SMCHD1: variants seen among roughly 807,000 people sequenced by gnomAD.
SMCHD1 encodes the protein structural maintenance of chromosomes flexible hinge domain-containing protein 1.
A neutral mutation model predicts 254.7 loss-of-function variants in SMCHD1; 78 were observed. The observed-to-expected ratio is 0.31, with a 90% CI of 0.26 to 0.37. The LOEUF is 0.37. Ranked by LOEUF, SMCHD1 falls within the 10% of genes least tolerant of loss-of-function variation. The pLI, the probability that SMCHD1 is intolerant of heterozygous loss-of-function variation, is 1.00. For missense variants in SMCHD1, 1,840 were observed against 2,408.1 expected (o/e 0.76, Z 4.94); for synonymous variants, 766 against 794.9 (o/e 0.96, Z 0.61).
intron 20 of SMCHD1, among the ~76,000 whole-genome samples, chr18:2,724,494 A>C (rs1248565028): frequency 6.6e-6 from 1 of 152,088 alleles, no homozygotes; most frequent in Non-Finnish European, 1.5e-5. Flanking sequence ...CTAAAATCCC[A>C]CTGGTGAAAG....
rs551120042 is a variant in SMCHD1 at position 2,673,559 on chromosome 18, T to C, written c.507+196T>C. ...TACATGTATATGTACCTTTGGTTTT[T>C]TGTAATCTTCTACTTTCCCTTAACA... On this transcript the variant is annotated intron_variant, in intron 4 of 47. Transcript: ENST00000320876. Among the ~76,000 whole-genome samples the C allele has an allele frequency of 1.9e-3, 283 of 152,100 alleles. 2 individuals carry two copies. The highest frequency in any genetic ancestry group is 6.6e-3 in the African/African-American group (275 of 41,382).
chr18:2,706,585 T>C (rs1028530792), intron 15 of SMCHD1, 115 bp downstream of exon 15: 5 of 599,254 alleles, frequency 8.3e-6, no homozygotes, highest in Non-Finnish European at 1.4e-5. Context: ...GTCTTAGATA[T>C]TGTACCTATT....
At chr18:2,754,492 A>G (rs1271696239) in intron 34 of SMCHD1, among the ~76,000 whole-genome samples, 1 of 152,212 alleles carries the variant, frequency 6.6e-6, no homozygotes, top group Non-Finnish European at 1.5e-5. Flanking sequence ...TAATTCCCCA[A>G]CAATAAATTG....
intron 45 of SMCHD1, among the ~76,000 whole-genome samples, chr18:2,790,079 G>A (rs1291331681): frequency 1.3e-5 from 2 of 152,196 alleles, no homozygotes; most frequent in African/African-American, 2.4e-5. Context: ...CTATTCAGGA[G>A]GCTGAGGCCG....
intron 17 of SMCHD1, among the ~76,000 whole-genome samples, chr18:2,713,898 C>T (rs2074737497): frequency 6.6e-6 from 1 of 152,126 alleles, no homozygotes; most frequent in Non-Finnish European, 1.5e-5. Context: ...TAATGTATGG[C>T]CTTTCTTCAA....
chr18:2,740,366 A>G (rs2075326069), intron 27 of SMCHD1, among the ~76,000 whole-genome samples: 1 of 152,176 alleles, frequency 6.6e-6, no homozygotes, highest in Non-Finnish European at 1.5e-5. Context: ...ATTCTTTTTT[A>G]AACATAAAAG....
chr18:2,693,173 A>T (rs1009422079), intron 7 of SMCHD1, among the ~76,000 whole-genome samples: 1 of 152,200 alleles, frequency 6.6e-6, no homozygotes, highest in Non-Finnish European at 1.5e-5. Flanking sequence ...ACTTATTTTT[A>T]AAAATCAACT....
chr18:2,665,603 G>C (rs2073414567), intron 1 of SMCHD1, among the ~76,000 whole-genome samples: 1 of 152,146 alleles, frequency 6.6e-6, no homozygotes, highest in African/African-American at 2.4e-5. Context: ...ACAGGCATGA[G>C]CTACCATGCC....
At chr18:2,696,860 G>A (rs2074296108) in intron 8 of SMCHD1, among the ~76,000 whole-genome samples, 172 bp from the exon 9 acceptor site, 2 of 152,074 alleles carry the variant, frequency 1.3e-5, no homozygotes, top group South Asian at 4.1e-4. Flanking sequence ...AAAATGAGAT[G>A]CAGTAATACC....
intron 1 of SMCHD1, among the ~76,000 whole-genome samples, chr18:2,659,763 G>GAAA (rs58068466): frequency 1.7e-5 from 2 of 115,486 alleles, no homozygotes; most frequent in Non-Finnish European, 3.7e-5. Context: ...TTGAGATTTT[G>GAAA]AAAAAAAAAA....
intron 41 of SMCHD1, among the ~76,000 whole-genome samples, chr18:2,773,751 G>A (rs892681710): frequency 1.6e-4 from 25 of 152,022 alleles, no homozygotes; most frequent in South Asian, 2.1e-4. Context: ...GTGAAACCCC[G>A]TCTCTAATAA....
chr18:2,795,304 G>A (rs902296537), intron 45 of SMCHD1, among the ~76,000 whole-genome samples: 3 of 137,792 alleles, frequency 2.2e-5, no homozygotes, highest in Admixed American at 7.7e-5. Context: ...TGATCCACCC[G>A]CCTTGGAACC....
intron 5 of SMCHD1, among the ~76,000 whole-genome samples, chr18:2,679,493 A>AAAAAAAAAAAAAAC: frequency 6.7e-6 from 1 of 150,108 alleles, no homozygotes; most frequent in Admixed American, 6.6e-5. Flanking sequence ...AAAAAAAAAA[A>AAAAAAAAAAAAAAC]AAAAAAGGAA....
At chr18:2,697,762 G>A (rs892020235) in intron 9 of SMCHD1, 69 bp from the exon 10 acceptor site, 3 of 1,004,270 alleles carry the variant, frequency 3.0e-6, no homozygotes, top group Non-Finnish European at 4.5e-6. Flanking sequence ...TTCTGTTGTT[G>A]AATCATAGCT....
In SMCHD1 at chr18:2,750,496, G is replaced by C; in HGVS notation, c.4154G>C (p.Gly1385Ala). The C allele has an allele frequency of 1.2e-6, 2 of 1,601,308 alleles. No homozygotes were observed. Among genetic ancestry groups the C allele is most frequent in the Non-Finnish European group, 1.7e-6 (2 of 1,173,102 alleles). Residue 1385 changes from glycine (G) to alanine (A), a missense_variant, in exon 32 of 48, where the codon GGT (glycine) becomes GCT (alanine). Physicochemically the swap from Gly to Ala is moderately conservative, Grantham distance 60 (BLOSUM62 0). This residue lies in a region of SMCHD1 where 881 missense variants were observed against 1,009.5 expected (regional missense o/e 0.87). Transcript: ENST00000320876. ...YDKDASFLAG[G>A]LFTDFMISVI... ...AAAGATGCATCCTTCTTAGCAGGGG[G>C]TCTTTTCACTGGTGAGTATTTCACA... is the stretch of plus-strand genomic sequence containing the variant.
At chr18:2,735,201 G>T (rs2075225801) in intron 25 of SMCHD1, among the ~76,000 whole-genome samples, 2 of 152,132 alleles carry the variant, frequency 1.3e-5, no homozygotes, top group South Asian at 4.1e-4. Context: ...GATTTAATAT[G>T]GTTTCAGTAG....
intron 45 of SMCHD1, among the ~76,000 whole-genome samples, chr18:2,788,810 C>T (rs966739064): frequency 6.6e-5 from 10 of 152,068 alleles, no homozygotes; most frequent in African/African-American, 2.4e-4. Context: ...GTTGGCCGGG[C>T]TGGTCTCGAA....
At chr18:2,715,471 C>G (rs1017302288) in intron 17 of SMCHD1, among the ~76,000 whole-genome samples, 1 of 151,950 alleles carries the variant, frequency 6.6e-6, no homozygotes, top group East Asian at 1.9e-4. Flanking sequence ...AAAACTATGC[C>G]TTTGGTAAAT....
chr18:2,770,763 G>C (rs971669048), intron 39 of SMCHD1, among the ~76,000 whole-genome samples: 1 of 152,092 alleles, frequency 6.6e-6, no homozygotes, highest in Non-Finnish European at 1.5e-5. Context: ...TAGGATTACA[G>C]GCACATGCCA....
Sources: allele counts gnomAD v4.1 joint callset (sites outside exome capture counted in the v4.1 genomes callset), GRCh38; gene constraint gnomAD v4.1.1; regional missense constraint gnomAD v4.1.1; transcripts MANE v1.5; gene names NCBI Gene and HGNC (gene_info 2026-07-23, HGNC 2026-07-21).